Variants in GPC2 observed in about 807,000 individuals in gnomAD.
GPC2 encodes the protein glypican-2.
In GPC2, 42 loss-of-function variants were observed where a neutral mutation model predicts 57.3. The observed-to-expected ratio is 0.73, with a 90% confidence interval of 0.57 to 0.95. The LOEUF (loss-of-function observed/expected upper bound fraction) is 0.95. Among genes scored for constraint, GPC2 ranks in the 40% least tolerant of loss-of-function variants. The pLI is 0.00. For synonymous variants in GPC2, 364 were observed against 343.4 expected (o/e 1.06, Z -0.66); for missense variants, 745 against 793.6 (o/e 0.94, Z 0.74).
At chr7:100,176,713 C>T (rs918378918) in intron 1 of GPC2, among the ~76,000 whole-genome samples, 3 of 152,074 alleles carry the variant, frequency 2.0e-5, no homozygotes, top group African/African-American at 7.2e-5. Flanking sequence ...GGTGGGGTTA[C>T]TTGGTGAGCA....
At chr7:100,174,329 G>A (rs1487084431) in intron 4 of GPC2, 1 of 521,136 alleles carries the variant, frequency 1.9e-6, no homozygotes. Context: ...AGTGAGAGAG[G>A]CCAAGCCAGG....
In GPC2 at chr7:100,169,610, A is replaced by G. The variant is rs752270201; in HGVS notation, c.*620T>C. 6.5e-6 allele frequency: 1 copy of G among 152,708 alleles called. No homozygotes were observed. Among genetic ancestry groups the G allele is most frequent in the South Asian group, 2.1e-4 (1 of 4,838 alleles). 9.5% of individuals were successfully genotyped at this position (152,708 alleles called of 1,614,324 possible). A position where few individuals can be genotyped will look rare whatever the true frequency, so the allele number is the denominator to read the frequency against. On this transcript the variant is annotated 3_prime_UTR_variant, in exon 10 of 10. Coordinates refer to ENST00000292377, the MANE Select transcript of GPC2 (RefSeq NM_152742.3). ...GCACAGAAGCCACACATGGGGTCCAATACATTACCATTTATTTGCAGAATA... is the reference window on the plus strand; with the variant it reads ...GCACAGAAGCCACACATGGGGTCCAGTACATTACCATTTATTTGCAGAATA...
intron 3 of GPC2, among the ~76,000 whole-genome samples, chr7:100,175,147 T>C (rs533935658): frequency 6.6e-6 from 1 of 152,348 alleles, no homozygotes; most frequent in African/African-American, 2.4e-5. Context: ...AGGGCATGAC[T>C]GTCTACCTCA....
chr7:100,172,064 C>T, intron 6 of GPC2, 23 bp downstream of exon 6: 1 of 1,613,606 alleles, frequency 6.2e-7, no homozygotes, highest in Non-Finnish European at 8.5e-7. Context: ...CGGGCCTCAC[C>T]TCCACCCTTC....
At position 100,174,691 on chromosome 7, in the gene GPC2, C is replaced by T. The variant is rs752680159; in HGVS notation, c.723G>A (p.Ala241=). Residue 241 remains alanine (A), a synonymous_variant, in exon 4 of 10, where the codon GCG becomes GCA. Transcript: ENST00000292377. ...TACTCAGGCACCCTCCAACCTTAAGCGCTTCGCTGACCACATTTCTTCCAG... is the reference window on the plus strand; with the variant it reads ...TACTCAGGCACCCTCCAACCTTAAGTGCTTCGCTGACCACATTTCTTCCAG... ...LETGRNVVSE[A]LKVPVSEGCS... 1.3e-5 allele frequency: 21 copies of T among 1,612,820 alleles called. No individual in the cohort carries two copies. In the East Asian group the frequency reaches 2.5e-4, roughly 19 times the overall value.
rs1799173100 is a variant in GPC2 at position 100,171,353 on chromosome 7, A to C, written c.1394T>G (p.Val465Gly). The C allele has an allele frequency of 6.5e-7, 1 of 1,545,940 alleles. No individual in the cohort carries two copies. The highest frequency in any genetic ancestry group is 8.7e-7 in the Non-Finnish European group (1 of 1,146,218). ...CTGTAGCCGACGCCGCCGTGTCGGGACATCGGGGCCCGAGGCGTCCACCTT... is the reference window on the plus strand; with the variant it reads ...CTGTAGCCGACGCCGCCGTGTCGGGCCATCGGGGCCCGAGGCGTCCACCTT... The part of the protein sequence containing the change: ...ELKVDASGPD[V>G]PTRRRRLQLR... The change falls in exon 9 of 10, where the codon GTC becomes GGC. Residue 465 changes from valine to glycine, a missense_variant. By Grantham distance (109) the Val-to-Gly change is moderately radical. Around this residue, in one of 2 missense-constraint regions of GPC2, gnomAD observed 607 missense variants for 603.9 expected, o/e 1.01. Transcript: ENST00000292377. This position sits in a 1 kb window ranked among gnomAD's most constrained non-coding sequence, Gnocchi z 4.8.
At chr7:100,173,652 G>GTC (rs538787303) in intron 5 of GPC2, 183 bp downstream of exon 5, 30 of 407,872 alleles carry the variant, frequency 7.4e-5, no homozygotes, top group Admixed American at 1.9e-4. Flanking sequence ...TTCTTTCTCT[G>GTC]TCTCTCTCTC....
rs766580508 is a variant in GPC2 at position 100,173,835 on chromosome 7, C to T, written c.892G>A (p.Asp298Asn). ...TCCAGGCTTTCTTGAATCCCCTCAC[C>T]CAGATAGTTGCCCCAGTCAGGCTCC... ...GLEPDWGNYL[D>N]GLLILADKLQ... The change falls in exon 5 of 10, where the codon GAT becomes AAT. Residue 298 changes from aspartate (D) to asparagine (N), a missense_variant and splice_region_variant. Transcript: ENST00000292377. 6.4e-7 allele frequency: 1 copy of T among 1,558,582 alleles called. No homozygotes were observed. The highest frequency in any genetic ancestry group is 1.2e-5 in the South Asian group (1 of 83,696).
At position 100,171,781 on chromosome 7, in the gene GPC2, G is replaced by A. The variant is rs1235207195; in HGVS notation, c.1168C>T (p.Leu390=). 6.5e-7 allele frequency: 1 copy of A among 1,530,152 alleles called. No homozygotes were observed. The highest frequency in any genetic ancestry group is 1.9e-5 in the Admixed American group (1 of 53,732). The allele number at this position is 1,530,152 out of a possible 1,614,324, so 94.8% of individuals were successfully genotyped here. A position where few individuals can be genotyped will look rare whatever the true frequency, so the allele number is the denominator to read the frequency against. The change falls in exon 7 of 10, where the codon CTG becomes TTG. Residue 390 remains leucine, a splice_region_variant and synonymous_variant. Coordinates refer to ENST00000292377, the MANE Select transcript of GPC2 (RefSeq NM_152742.3). This position sits in a 1 kb window ranked among gnomAD's most constrained non-coding sequence, Gnocchi z 4.8. ...TTAAGTNLHR[L]VWELRERLAR... ...CAACTCTTGGTCATCCCACGCACCA[G>A]CCGGTGCAGGTTGGTGCCTGCGGCC...
At chr7:100,172,771 ATATG>A (rs1799206426) in intron 5 of GPC2, among the ~76,000 whole-genome samples, 2 of 144,562 alleles carry the variant, frequency 1.4e-5, no homozygotes, top group African/African-American at 2.5e-5. Flanking sequence ...GTGTATATAT[ATATG>A]TGTGTGTATA....
In GPC2 at chr7:100,177,183, G is replaced by A. The variant is rs1799316451; in HGVS notation, c.17C>T (p.Pro6Leu). The A allele has an allele frequency of 6.2e-7, 1 of 1,613,234 alleles. No homozygotes were observed. Among genetic ancestry groups the A allele is most frequent in the African/African-American group, 1.3e-5 (1 of 74,924 alleles). MSALRPLLLLLLPLCP... is the reference protein window; with the variant it reads MSALRLLLLLLLPLCP... ...CAGAGGCAGCAGCAGAAGCAGGAGA[G>A]GTCGCAGCGCGGACATAACTGCAGC... Residue 6 changes from proline to leucine, a missense_variant, in exon 1 of 10, where the codon CCT (proline) becomes CTT (leucine). By Grantham distance (98) the Pro-to-Leu change is moderately conservative (BLOSUM62 -3). Transcript: ENST00000292377.
In GPC2 at chr7:100,173,828, C is replaced by A; in HGVS notation, c.892+7G>T. 1.9e-6 allele frequency: 3 copies of A among 1,541,658 alleles called. No individual in the cohort carries two copies. Among genetic ancestry groups the A allele is most frequent in the Non-Finnish European group, 2.6e-6 (3 of 1,144,196 alleles). The stretch of plus-strand genomic sequence containing the variant: ...GCCTGGCTCCAGGCTTTCTTGAATC[C>A]CCTCACCCAGATAGTTGCCCCAGTC... On this transcript the variant is annotated splice_region_variant and intron_variant, in intron 5 of 9. Transcript: ENST00000292377.
intron 5 of GPC2, among the ~76,000 whole-genome samples, chr7:100,172,730 T>C (rs1393944790): frequency 2.0e-5 from 3 of 147,424 alleles, no homozygotes; most frequent in Admixed American, 6.8e-5. Flanking sequence ...CACGTATATA[T>C]ATGTGTATAT....
In GPC2 at chr7:100,171,314, G is replaced by T. The variant is rs1242645164; in HGVS notation, c.1433C>A (p.Thr478Lys). 6 of 1,543,706 alleles carry T rather than the reference G, an allele frequency of 3.9e-6. No homozygotes were observed. Among genetic ancestry groups the T allele is most frequent in the Non-Finnish European group, 5.2e-6 (6 of 1,143,816 alleles). The change falls in exon 9 of 10, where the codon ACG (threonine) becomes AAG (lysine). Residue 478 changes from threonine (T) to lysine (K), a missense_variant. Physicochemically the swap from Thr to Lys is moderately conservative, Grantham distance 78. Transcript: ENST00000292377. This position sits in a 1 kb window ranked among gnomAD's most constrained non-coding sequence, Gnocchi z 4.8. The stretch of plus-strand genomic sequence containing the variant: ...CAGTGCGGCCGTTTTCATTCTGGCC[G>T]TGGCCGCCCGGAGCTGTAGCCGACG... ...RRRRLQLRAATARMKTAALGH... is the reference protein window; with the variant it reads ...RRRRLQLRAAKARMKTAALGH...
rs764376043 is a variant in GPC2, at chr7:100,170,325, C to A, written c.1645G>T (p.Gly549Cys). Residue 549 changes from glycine (G) to cysteine (C), a missense_variant, in exon 10 of 10, where the codon GGC becomes TGC. Physicochemically the swap from Gly to Cys is radical, Grantham distance 159. This residue lies in a region of GPC2 where 607 missense variants were observed against 603.9 expected (regional missense o/e 1.01). Coordinates refer to ENST00000292377, the MANE Select transcript of GPC2 (RefSeq NM_152742.3). Reference sequence around the variant, plus strand: ...GATGCCCCCCCACTCCTGCTCCGGCCCTGGTTGTAGCGGGCACTGCCACCT... The same window carrying A: ...GATGCCCCCCCACTCCTGCTCCGGCACTGGTTGTAGCGGGCACTGCCACCT... Reference protein sequence around the residue: ...GGGGSARYNQGRSRSGGASIG... With the variant: ...GGGGSARYNQCRSRSGGASIG... 3 of 1,612,576 alleles carry A rather than the reference C, an allele frequency of 1.9e-6. No homozygotes were observed. Among genetic ancestry groups the A allele is most frequent in the Non-Finnish European group, 2.5e-6 (3 of 1,179,428 alleles).
At chr7:100,176,491 C>A in intron 1 of GPC2, 126 bp from the exon 2 acceptor site, 2 of 869,438 alleles carry the variant, frequency 2.3e-6, no homozygotes, top group Middle Eastern at 7.1e-4. Flanking sequence ...TGTCTGCACC[C>A]TCTTCCCTAC....
intron 5 of GPC2, 92 bp from the exon 6 acceptor site, chr7:100,172,309 C>T: frequency 2.9e-6 from 4 of 1,398,886 alleles, no homozygotes; most frequent in South Asian, 2.5e-5. Context: ...CTTAGAGAAG[C>T]AGCAAAGTGT....
chr7:100,171,622 G>A lies in GPC2; in HGVS notation c.1227C>T (p.Ser409=). The A allele has an allele frequency of 6.5e-7, 1 of 1,534,430 alleles. No individual in the cohort carries two copies. The highest frequency in any genetic ancestry group is 2.0e-5 in the Admixed American group (1 of 51,216). The change falls in exon 8 of 10, where the codon TCC becomes TCT. Residue 409 remains serine (S), a synonymous_variant. Transcript: ENST00000292377. The surrounding 1 kb of genome is among the most constrained non-coding windows in gnomAD (Gnocchi z 4.8). ...TGCGAGAGTCTCCGCACACCGTCAG[G>A]GACAGCCGGGCCCAGAAGCCCCGCA... is the stretch of plus-strand genomic sequence containing the variant. ...ARMRGFWARL[S]LTVCGDSRMA... is the part of the protein sequence containing the mutation.
intron 1 of GPC2, 48 bp downstream of exon 1, chr7:100,176,986 G>T: frequency 1.5e-6 from 1 of 673,426 alleles, no homozygotes. Context: ...AGGAGGCCCC[G>T]CCCCCGCCCC....
Sources: gnomAD v4.1 joint callset for allele counts (sites outside exome capture counted in the v4.1 genomes callset) on GRCh38, gnomAD v4.1.1 for gene constraint, gnomAD v4.1.1 regional missense constraint, Gnocchi (gnomAD v3.1) non-coding constraint, MANE v1.5 for transcripts, NCBI Gene and HGNC (gene_info 2026-07-23, HGNC 2026-07-21) for gene names.